The following SLC45A4 variants were observed in gnomAD, a reference collection of about 807,000 sequenced individuals.
The protein encoded by SLC45A4 is polyamine-transporter SLC45A4.
SLC45A4 carries 32 observed loss-of-function variants against 63.7 expected under a neutral mutation model. The ratio of observed to expected loss-of-function variants is 0.50; its 90% CI spans 0.38 to 0.67. SLC45A4 has a LOEUF of 0.67. Ranked by LOEUF, SLC45A4 falls within the 30% of genes least tolerant of loss-of-function variation. The probability of loss-of-function intolerance (pLI) is 0.00; values close to 1 mark genes in which losing one functional copy is unlikely to be tolerated. For missense variants in SLC45A4, 1,027 were observed against 1,157.7 expected (o/e 0.89, Z 1.64); for synonymous variants, 535 against 510.0 (o/e 1.05, Z -0.66).
intron 6 of SLC45A4, 54 bp from the exon 7 acceptor site, chr8:141,216,024 G>T: frequency 6.6e-7 from 1 of 1,512,270 alleles, no homozygotes; most frequent in Admixed American, 1.8e-5. Flanking sequence ...GGCTCCTGTC[G>T]GGCTCCCTCC....
chr8:141,250,381 A>G (rs965427735), intron 2 of SLC45A4, among the ~76,000 whole-genome samples: 2 of 150,286 alleles, frequency 1.3e-5, no homozygotes, highest in African/African-American at 4.9e-5. Flanking sequence ...ATTTTGCCCA[A>G]CTATAGGCTG....
At position 141,212,446 on chromosome 8, in the gene SLC45A4, G is replaced by A. The variant is rs781775162; in HGVS notation, c.2052C>T (p.Gly684=). The change falls in exon 8 of 9, where the codon GGC becomes GGT. Residue 684 remains glycine (G), a synonymous_variant. Transcript: ENST00000517878. Reference sequence around the variant, plus strand: ...GGACAGTCCCCACGGCGTCGACCACGCCCCCAAGGGCAGAGGCCACCAGGA... The same window carrying A: ...GGACAGTCCCCACGGCGTCGACCACACCCCCAAGGGCAGAGGCCACCAGGA... ...SQILVASALG[G]VVDAVGTVRV... is the part of the protein sequence containing the mutation. 2.5e-6 allele frequency: 4 copies of A among 1,613,648 alleles called. No individual in the cohort carries two copies. Among genetic ancestry groups the A allele is most frequent in the African/African-American group, 2.7e-5 (2 of 74,922 alleles).
At chr8:141,214,984 C>T (rs1826051534) in intron 7 of SLC45A4, among the ~76,000 whole-genome samples, 1 of 152,214 alleles carries the variant, frequency 6.6e-6, no homozygotes, top group African/African-American at 2.4e-5. Flanking sequence ...TCATGCAGTG[C>T]TACCTGTGAC....
intron 1 of SLC45A4, among the ~76,000 whole-genome samples, chr8:141,296,751 G>A (rs1462126042): frequency 6.9e-6 from 1 of 144,460 alleles, no homozygotes; most frequent in African/African-American, 2.6e-5. Context: ...CAGGAGAATC[G>A]CTTGTACCCA....
At chr8:141,231,897 C>T (rs936343072) in intron 2 of SLC45A4, among the ~76,000 whole-genome samples, 4 of 151,104 alleles carry the variant, frequency 2.6e-5, no homozygotes, top group Admixed American at 1.3e-4. Context: ...GATCAGGAGA[C>T]CCCACTTCAG....
chr8:141,273,981 G>A (rs1183638642), intron 1 of SLC45A4, among the ~76,000 whole-genome samples: 1 of 152,228 alleles, frequency 6.6e-6, no homozygotes, highest in Non-Finnish European at 1.5e-5. Flanking sequence ...TGTAATCCCA[G>A]CACTTTGGGA....
chr8:141,265,810 C>T (rs181559025), intron 1 of SLC45A4, among the ~76,000 whole-genome samples: 11 of 152,306 alleles, frequency 7.2e-5, no homozygotes, highest in African/African-American at 2.6e-4. Context: ...TTTTCCCCAG[C>T]ATGGAAAAGC....
rs73713378 is a variant in SLC45A4, at chr8:141,221,868, C to T, written c.242-103G>A. On this transcript the variant is annotated intron_variant, in intron 2 of 8. Coordinates refer to ENST00000517878, the MANE Select transcript of SLC45A4 (RefSeq NM_001286646.2). Reference sequence around the variant, plus strand: ...AGGCAGGTGCCTCTGTGTACACGCACGCATGCGCACATCCCCTGCTCAGGT... The same window carrying T: ...AGGCAGGTGCCTCTGTGTACACGCATGCATGCGCACATCCCCTGCTCAGGT... 3,236 of 1,187,640 alleles carry T rather than the reference C, an allele frequency of 2.7e-3. 52 individuals are homozygous for T. The African/African-American group carries it at 0.038, about 14-fold the overall frequency. The allele number at this position is 1,187,640 out of a possible 1,614,324, so 73.6% of individuals were successfully genotyped here. A position where few individuals can be genotyped will look rare whatever the true frequency, so the allele number is the denominator to read the frequency against.
chr8:141,254,455 T>C lies in SLC45A4; in HGVS notation c.-226A>G. On this transcript the variant is annotated 5_prime_UTR_variant, in exon 2 of 9. Coordinates refer to ENST00000517878, the MANE Select transcript of SLC45A4 (RefSeq NM_001286646.2). This position sits in a 1 kb window ranked among gnomAD's most constrained non-coding sequence, Gnocchi z 4.5. ...GATTTTTGGTTGGATTTTAAACATA[T>C]GGCTTGCTGGTTTACTGTGAATTAG... 1 of 657,332 alleles carries C rather than the reference T, an allele frequency of 1.5e-6. No individual in the cohort carries two copies. The highest frequency in any genetic ancestry group is 2.7e-6 in the Non-Finnish European group (1 of 364,788). 40.7% of individuals were successfully genotyped at this position (657,332 alleles called of 1,614,324 possible).
chr8:141,257,145 C>A (rs1828834569), intron 1 of SLC45A4, among the ~76,000 whole-genome samples: 1 of 152,180 alleles, frequency 6.6e-6, no homozygotes, highest in Non-Finnish European at 1.5e-5. Flanking sequence ...GGGCACCACA[C>A]CCAGCCAGAA....
chr8:141,212,623 TGTGA>T (rs774188540), intron 7 of SLC45A4, 67 bp from the exon 8 acceptor site: 325 of 1,495,068 alleles, frequency 2.2e-4, no homozygotes, highest in Non-Finnish European at 2.7e-4. Context: ...GCTTCACAAC[TGTGA>T]GTATTAACCC....
chr8:141,215,760 T>C lies in SLC45A4; in HGVS notation c.1940A>G (p.Gln647Arg), dbSNP rs1328355579. ...ALLGQYHDIK[Q>R]YIHHSPGNSK... is the part of the protein sequence containing the mutation. The stretch of plus-strand genomic sequence containing the variant: ...ATCTCAGGGCTACGGTGGACGCACC[T>C]GCTTGATGTCATGGTACTGGCCCAG... Residue 647 changes from glutamine to arginine, a missense_variant and splice_region_variant, in exon 7 of 9, where the codon CAG (glutamine) becomes CGG (arginine). Coordinates refer to ENST00000517878, the MANE Select transcript of SLC45A4 (RefSeq NM_001286646.2). The surrounding 1 kb of genome is among the most constrained non-coding windows in gnomAD (Gnocchi z 4.3). 5 of 1,612,858 alleles carry C rather than the reference T, an allele frequency of 3.1e-6. No individual in the cohort carries two copies. The highest frequency in any genetic ancestry group is 1.1e-5 in the South Asian group (1 of 91,082).
At chr8:141,235,087 C>T (rs745332034) in intron 2 of SLC45A4, among the ~76,000 whole-genome samples, 6 of 152,210 alleles carry the variant, frequency 3.9e-5, no homozygotes, top group Non-Finnish European at 5.9e-5. Context: ...CAGGTGACCA[C>T]GCTCAGCTCT....
intron 1 of SLC45A4, among the ~76,000 whole-genome samples, chr8:141,275,911 C>A (rs937305658): frequency 2.7e-5 from 4 of 150,424 alleles, no homozygotes; most frequent in African/African-American, 1.0e-4. Flanking sequence ...AGGACCTAAA[C>A]TTTACTTTTT....
chr8:141,219,778 G>C lies in SLC45A4; in HGVS notation c.482C>G (p.Thr161Arg). ...GTCCAGGACCACCACTCCCAGCACCGTGAGCACGATGCCAATGGGCTGCCG... is the reference window on the plus strand; with the variant it reads ...GTCCAGGACCACCACTCCCAGCACCCTGAGCACGATGCCAATGGGCTGCCG... ...PNRQPIGIVL[T>R]VLGVVVLDFS... The change falls in exon 4 of 9, where the codon ACG (threonine) becomes AGG (arginine). Residue 161 changes from threonine (T) to arginine (R), a missense_variant. Transcript: ENST00000517878. 1.9e-6 allele frequency: 3 copies of C among 1,598,916 alleles called. No individual in the cohort carries two copies. Among genetic ancestry groups the C allele is most frequent in the Non-Finnish European group, 2.6e-6 (3 of 1,173,372 alleles).
At chr8:141,212,583 G>A in intron 7 of SLC45A4, 27 bp from the exon 8 acceptor site, 1 of 1,567,912 alleles carries the variant, frequency 6.4e-7, no homozygotes, top group Non-Finnish European at 8.6e-7. Context: ...ACGAGGCGGT[G>A]AGCGGCTGGA....
chr8:141,263,643 G>A (rs1157427594), intron 1 of SLC45A4, among the ~76,000 whole-genome samples: 3 of 151,070 alleles, frequency 2.0e-5, no homozygotes, highest in Non-Finnish European at 3.0e-5. Context: ...GGTGGCATGT[G>A]CCTGTAATCC....
At position 141,227,639 on chromosome 8, in the gene SLC45A4, G is replaced by T. The variant is rs1183833888; in HGVS notation, c.242-5874C>A. ...CCCCCAGGGCTCGGGCCACCTGCTT[G>T]CAAGAGGGGAAGGGCCACTGGCACT... On this transcript the variant is annotated intron_variant, in intron 2 of 8. Coordinates refer to ENST00000517878, the MANE Select transcript of SLC45A4 (RefSeq NM_001286646.2). The surrounding 1 kb of genome is among the most constrained non-coding windows in gnomAD (Gnocchi z 4.4). Among the ~76,000 whole-genome samples the T allele has an allele frequency of 6.6e-6, 1 of 152,180 alleles. No individual in the cohort carries two copies. The highest frequency in any genetic ancestry group is 6.5e-5 in the Admixed American group (1 of 15,284).
In SLC45A4 at chr8:141,260,993, C is replaced by T. The variant is rs550388797; in HGVS notation, c.-400-6364G>A. On this transcript the variant is annotated intron_variant, in intron 1 of 8. Transcript: ENST00000517878. The stretch of plus-strand genomic sequence containing the variant: ...AATCCTCAATAAAATACTGGCAAAC[C>T]GAATCCAGCAGCACATCAAAAAGCT... 2.6e-5 allele frequency among the ~76,000 whole-genome samples: 4 copies of T among 152,106 alleles called. No individual in the cohort carries two copies. The South Asian group carries it at 6.2e-4, about 24-fold the overall frequency.
Sources: allele counts gnomAD v4.1 joint callset (sites outside exome capture counted in the v4.1 genomes callset), GRCh38; gene constraint gnomAD v4.1.1; non-coding constraint Gnocchi (gnomAD v3.1); transcripts MANE v1.5; gene names NCBI Gene and HGNC (gene_info 2026-07-23, HGNC 2026-07-21).